The following CAMSAP1 variants were observed in gnomAD, a reference collection of about 807,000 sequenced individuals.
The protein encoded by CAMSAP1 is calmodulin-regulated spectrin-associated protein 1.
Under a neutral mutation model 143.5 loss-of-function variants are expected in CAMSAP1, and 58 were observed. That is an observed-to-expected ratio of 0.40 (90% confidence interval 0.33 to 0.50). The LOEUF (loss-of-function observed/expected upper bound fraction) is 0.50, where lower values mean the gene tolerates loss of function less well. Ranked by LOEUF, CAMSAP1 falls within the 20% of genes least tolerant of loss-of-function variation. CAMSAP1 has a pLI of 0.45. For synonymous variants in CAMSAP1, 945 were observed against 859.3 expected (o/e 1.10, Z -1.74); for missense variants, 1,969 against 2,115.7 (o/e 0.93, Z 1.36).
Position 135,820,564 on chromosome 9 carries a change from G to A in CAMSAP1, c.3822+275C>T, listed in dbSNP as rs189165775. On this transcript the variant is annotated intron_variant, in intron 11 of 16. Coordinates refer to ENST00000389532, the MANE Select transcript of CAMSAP1 (RefSeq NM_015447.4). This position sits in a 1 kb window ranked among gnomAD's most constrained non-coding sequence, Gnocchi z 4.4. ...AAACCAGCAAAAAAAAAAAAACTAT[G>A]TTGAAAATCACATGAAATTCCAGTT... Among the ~76,000 whole-genome samples the A allele has an allele frequency of 1.7e-4, 25 of 151,254 alleles. No individual in the cohort carries two copies. The highest frequency in any genetic ancestry group is 3.9e-4 in the Admixed American group (6 of 15,212).
At position 135,810,394 on chromosome 9, in the gene CAMSAP1, T is replaced by G. The variant is rs1412457983; in HGVS notation, c.*915A>C. 6.6e-6 allele frequency: 1 copy of G among 152,218 alleles called. No individual in the cohort carries two copies. The highest frequency in any genetic ancestry group is 1.5e-5 in the Non-Finnish European group (1 of 68,040). The allele number at this position is 152,218 out of a possible 1,614,324, so 9.4% of individuals were successfully genotyped here. The stretch of plus-strand genomic sequence containing the variant: ...CTGTCAGCTTAAGTGCATCACCTTT[T>G]GGGACAAACATGCTCAGAATGAAAA... On this transcript the variant is annotated 3_prime_UTR_variant, in exon 17 of 17. Transcript: ENST00000389532.
chr9:135,900,462 G>C (rs1011566265), intron 1 of CAMSAP1, among the ~76,000 whole-genome samples: 1 of 152,076 alleles, frequency 6.6e-6, no homozygotes, highest in African/African-American at 2.4e-5. Flanking sequence ...GGGAGGCTGA[G>C]GTGGGCAGAT....
In CAMSAP1 at chr9:135,818,763, G is replaced by A. The variant is rs1013477626; in HGVS notation, c.3960-147C>T. ...CCAGCCTCCACAAGCGGGACACAGA[G>A]GCTGCAAAGGCAGTCCTGCAGATGA... On this transcript the variant is annotated intron_variant, in intron 12 of 16. Transcript: ENST00000389532. This position sits in a 1 kb window ranked among gnomAD's most constrained non-coding sequence, Gnocchi z 7.7. The A allele has an allele frequency of 1.8e-5, 20 of 1,119,834 alleles. No homozygotes were observed. Among genetic ancestry groups the A allele is most frequent in the East Asian group, 2.6e-5 (1 of 38,622 alleles). 69.4% of individuals were successfully genotyped at this position (1,119,834 alleles called of 1,614,324 possible).
chr9:135,883,598 C>A (rs576306082), intron 1 of CAMSAP1, among the ~76,000 whole-genome samples: 4 of 152,296 alleles, frequency 2.6e-5, no homozygotes, highest in African/African-American at 9.6e-5. Context: ...GGGTGAACAC[C>A]CATGGTCTTT....
chr9:135,877,032 A>T (rs186544266), intron 3 of CAMSAP1, among the ~76,000 whole-genome samples: 27 of 152,222 alleles, frequency 1.8e-4, no homozygotes, highest in Non-Finnish European at 3.8e-4. Flanking sequence ...ATAAAAATAT[A>T]TCTGCACACA....
intron 5 of CAMSAP1, among the ~76,000 whole-genome samples, chr9:135,851,279 T>G (rs1467613726): frequency 6.6e-6 from 1 of 152,226 alleles, no homozygotes; most frequent in Non-Finnish European, 1.5e-5. Flanking sequence ...TTACATAAAT[T>G]TTATTTCTAA....
intron 8 of CAMSAP1, among the ~76,000 whole-genome samples, chr9:135,827,083 C>A (rs1250144787): frequency 2.6e-5 from 4 of 152,108 alleles, no homozygotes; most frequent in African/African-American, 9.7e-5. Context: ...AAAGAGCACA[C>A]CTAAACTGTC....
At chr9:135,873,143 G>A (rs1365707434) in intron 3 of CAMSAP1, among the ~76,000 whole-genome samples, 1 of 152,136 alleles carries the variant, frequency 6.6e-6, no homozygotes, top group African/African-American at 2.4e-5. Flanking sequence ...CCTGACAACA[G>A]AATTAAACCA....
chr9:135,905,889 A>G (rs901298840), intron 1 of CAMSAP1, among the ~76,000 whole-genome samples: 1 of 152,182 alleles, frequency 6.6e-6, no homozygotes, highest in African/African-American at 2.4e-5. Flanking sequence ...GTTCTCAAAA[A>G]CTCATGTGAA....
chr9:135,861,968 G>A (rs976646427), intron 5 of CAMSAP1, among the ~76,000 whole-genome samples: 1 of 152,204 alleles, frequency 6.6e-6, no homozygotes, highest in African/African-American at 2.4e-5. Context: ...TGTGGCAGTT[G>A]TTCATAAATG....
At chr9:135,873,679 T>G (rs1368053958) in intron 3 of CAMSAP1, among the ~76,000 whole-genome samples, 1 of 152,066 alleles carries the variant, frequency 6.6e-6, no homozygotes, top group Non-Finnish European at 1.5e-5. Flanking sequence ...TAAATAAAAC[T>G]GACAAATCCC....
intron 5 of CAMSAP1, among the ~76,000 whole-genome samples, chr9:135,861,077 G>A (rs1837169111): frequency 6.6e-6 from 1 of 152,178 alleles, no homozygotes; most frequent in African/African-American, 2.4e-5. Flanking sequence ...CATCCCCAGA[G>A]CCAAGGGCAT....
At chr9:135,862,372 T>C in intron 5 of CAMSAP1, 95 bp downstream of exon 5, 2 of 1,326,506 alleles carry the variant, frequency 1.5e-6, no homozygotes, top group Non-Finnish European at 1.0e-6. Context: ...ATTTTCTTTC[T>C]CTTTTTTTTT....
chr9:135,891,784 A>AT (rs1318678824), intron 1 of CAMSAP1, among the ~76,000 whole-genome samples: 1 of 152,234 alleles, frequency 6.6e-6, no homozygotes, highest in Non-Finnish European at 1.5e-5. Flanking sequence ...AACAGCTATT[A>AT]TAAGTTCCAT....
intron 7 of CAMSAP1, among the ~76,000 whole-genome samples, chr9:135,839,993 C>T (rs571108743): frequency 2.0e-5 from 3 of 152,332 alleles, no homozygotes; most frequent in South Asian, 4.1e-4. Context: ...ACTAAGAGCA[C>T]AGACTACCAC....
At chr9:135,816,976 A>G (rs1450362326) in intron 14 of CAMSAP1, among the ~76,000 whole-genome samples, 1 of 152,172 alleles carries the variant, frequency 6.6e-6, no homozygotes, top group African/African-American at 2.4e-5. Flanking sequence ...GCGTTGAGAA[A>G]GACGCACACT....
intron 1 of CAMSAP1, among the ~76,000 whole-genome samples, chr9:135,887,499 G>A (rs376015014): frequency 2.0e-5 from 3 of 152,322 alleles, no homozygotes; most frequent in Non-Finnish European, 2.9e-5. Flanking sequence ...TTGGAGAAAC[G>A]GTGACGAAAG....
Position 135,811,958 on chromosome 9 carries a change from G to C in CAMSAP1, c.4507-347C>G, listed in dbSNP as rs1053392539. Among the ~76,000 whole-genome samples the C allele has an allele frequency of 5.9e-5, 9 of 152,238 alleles. No homozygotes were observed. Among genetic ancestry groups the C allele is most frequent in the Admixed American group, 5.9e-4 (9 of 15,288 alleles). On this transcript the variant is annotated intron_variant, in intron 16 of 16. Transcript: ENST00000389532. The surrounding 1 kb of genome is among the most constrained non-coding windows in gnomAD (Gnocchi z 4.9). Reference sequence around the variant, plus strand: ...AGGACGGCTGGAACCCAGAAGCAGGGCGGTAACGAGTGCTGGCGAGCCATG... The same window carrying C: ...AGGACGGCTGGAACCCAGAAGCAGGCCGGTAACGAGTGCTGGCGAGCCATG...
intron 5 of CAMSAP1, among the ~76,000 whole-genome samples, chr9:135,859,984 C>T (rs1008507444): frequency 3.4e-5 from 5 of 148,810 alleles, no homozygotes; most frequent in Middle Eastern, 3.5e-3. Flanking sequence ...GCAAGCAGAT[C>T]GCTTGAACCC....
Sources: gnomAD v4.1 joint callset for allele counts (sites outside exome capture counted in the v4.1 genomes callset) on GRCh38, gnomAD v4.1.1 for gene constraint, Gnocchi (gnomAD v3.1) non-coding constraint, MANE v1.5 for transcripts, NCBI Gene and HGNC (gene_info 2026-07-23, HGNC 2026-07-21) for gene names.